The following PTPRG variants were observed in gnomAD, a reference collection of about 807,000 sequenced individuals.
The protein encoded by PTPRG is receptor-type tyrosine-protein phosphatase gamma.
A neutral mutation model predicts 165.3 loss-of-function variants in PTPRG; 102 were observed. The observed-to-expected ratio is 0.62, with a 90% confidence interval of 0.53 to 0.73. The LOEUF (loss-of-function observed/expected upper bound fraction) is 0.73. Ranked by LOEUF, PTPRG falls within the 30% of genes least tolerant of loss-of-function variation. The pLI is 0.00. For missense variants in PTPRG, 1,866 were observed against 1,861.4 expected (o/e 1.00, Z -0.05); for synonymous variants, 675 against 669.5 (o/e 1.01, Z -0.13).
In PTPRG at chr3:61,562,063, T is replaced by G; in HGVS notation, c.-225T>G. 1.8e-6 allele frequency: 1 copy of G among 542,072 alleles called. No homozygotes were observed. Among genetic ancestry groups the G allele is most frequent in the Non-Finnish European group, 3.3e-6 (1 of 304,160 alleles). The allele number at this position is 542,072 out of a possible 1,614,324, so 33.6% of individuals were successfully genotyped here. A position where few individuals can be genotyped will look rare whatever the true frequency, so the allele number is the denominator to read the frequency against. On this transcript the variant is annotated 5_prime_UTR_variant, in exon 1 of 30. Coordinates refer to ENST00000474889, the MANE Select transcript of PTPRG (RefSeq NM_002841.4). Reference sequence around the variant, plus strand: ...AAGCAGCCTTTCTCCGCCGAGAGGATCGTCCCCAGCGTGGCTCTGCGTTCC... The same window carrying G: ...AAGCAGCCTTTCTCCGCCGAGAGGAGCGTCCCCAGCGTGGCTCTGCGTTCC...
Position 61,935,870 on chromosome 3 carries a change from A to T in PTPRG, c.191-53755A>T, listed in dbSNP as rs991188360. On this transcript the variant is annotated intron_variant, in intron 2 of 29. Transcript: ENST00000474889. ...TTCATATAGAATATTTAATTTAATA[A>T]CTGCTTGGTTTAAATGATGGTGTTC... 1.4e-4 allele frequency among the ~76,000 whole-genome samples: 17 copies of T among 125,100 alleles called. No homozygotes were observed. The South Asian group carries it at 2.7e-3, about 20-fold the overall frequency. The allele number at this position is 125,100 out of a possible 152,430, so 82.1% of individuals were successfully genotyped here.
chr3:61,778,751 G>T (rs1178027483), intron 2 of PTPRG, among the ~76,000 whole-genome samples: 1 of 152,144 alleles, frequency 6.6e-6, no homozygotes, highest in East Asian at 1.9e-4. Context: ...ACAGCAGCAG[G>T]ATTGATTTTA....
At chr3:62,004,998 C>G (rs111277336) in intron 4 of PTPRG, among the ~76,000 whole-genome samples, 3 of 152,274 alleles carry the variant, frequency 2.0e-5, no homozygotes, top group African/African-American at 4.8e-5. Flanking sequence ...CCTGGAAGCT[C>G]TGTTGAAGAA....
intron 2 of PTPRG, among the ~76,000 whole-genome samples, chr3:61,917,771 A>G (rs2038978128): frequency 1.3e-5 from 2 of 152,162 alleles, no homozygotes; most frequent in South Asian, 4.1e-4. Context: ...GTCTTTACTA[A>G]AAATACAAAA....
intron 17 of PTPRG, among the ~76,000 whole-genome samples, chr3:62,265,650 C>T (rs1178646709): frequency 2.0e-5 from 3 of 151,876 alleles, no homozygotes; most frequent in Non-Finnish European, 2.9e-5. Context: ...TTAAAAAAGC[C>T]AGGGGGAGAA....
chr3:61,749,197 T>G, intron 2 of PTPRG: 1 of 658,108 alleles, frequency 1.5e-6, no homozygotes, highest in South Asian at 1.5e-5. Flanking sequence ...TGTTTTCCCC[T>G]CAATTTGCGT....
intron 2 of PTPRG, among the ~76,000 whole-genome samples, chr3:61,922,985 C>G (rs535793109): frequency 6.6e-6 from 1 of 152,206 alleles, no homozygotes; most frequent in African/African-American, 2.4e-5. Flanking sequence ...GCTCTATTCC[C>G]TTATGCCCCA....
At chr3:62,291,747 CTG>C (rs1702905878) in intron 28 of PTPRG, among the ~76,000 whole-genome samples, 1 of 152,124 alleles carries the variant, frequency 6.6e-6, no homozygotes, top group South Asian at 2.1e-4. Flanking sequence ...AATGTGGAAA[CTG>C]TGTGCCATCA....
intron 2 of PTPRG, among the ~76,000 whole-genome samples, chr3:61,942,350 T>A (rs2039652068): frequency 6.6e-6 from 1 of 152,140 alleles, no homozygotes; most frequent in South Asian, 2.1e-4. Flanking sequence ...ACAGCAGAGT[T>A]AAGAGGAAGT....
intron 1 of PTPRG, among the ~76,000 whole-genome samples, chr3:61,685,499 C>G (rs1703595784): frequency 6.6e-6 from 1 of 152,186 alleles, no homozygotes; most frequent in African/African-American, 2.4e-5. Flanking sequence ...GGGAGAATCT[C>G]AGAATGTGCT....
chr3:62,076,144 CG>C (rs1423626307), intron 4 of PTPRG, among the ~76,000 whole-genome samples: 9 of 151,808 alleles, frequency 5.9e-5, no homozygotes, highest in African/African-American at 2.2e-4. Flanking sequence ...AAAACTAGCC[CG>C]ATATGGTGGT....
chr3:62,120,757 A>AG (rs1559531444), intron 5 of PTPRG, among the ~76,000 whole-genome samples: 3 of 151,876 alleles, frequency 2.0e-5, no homozygotes, highest in African/African-American at 2.4e-5. Flanking sequence ...CAAAAAAAAA[A>AG]AAAGAAAAAG....
intron 1 of PTPRG, among the ~76,000 whole-genome samples, chr3:61,628,311 C>A (rs1701670021): frequency 6.6e-6 from 1 of 151,522 alleles, no homozygotes; most frequent in Non-Finnish European, 1.5e-5. Flanking sequence ...TCTATTTTTT[C>A]ATTTTTATAT....
chr3:61,924,680 C>T (rs546550001), intron 2 of PTPRG, among the ~76,000 whole-genome samples: 1 of 152,194 alleles, frequency 6.6e-6, no homozygotes, highest in Non-Finnish European at 1.5e-5. Context: ...TGATTTAATC[C>T]TCTGGTCCAG....
intron 2 of PTPRG, among the ~76,000 whole-genome samples, chr3:61,807,309 G>C (rs1432817793): frequency 1.3e-5 from 2 of 152,202 alleles, no homozygotes; most frequent in African/African-American, 4.8e-5. Flanking sequence ...AAGTTCATCA[G>C]ACGTATAAGC....
intron 8 of PTPRG, among the ~76,000 whole-genome samples, chr3:62,189,357 C>T (rs551399431): frequency 6.6e-6 from 1 of 152,260 alleles, no homozygotes; most frequent in African/African-American, 2.4e-5. Context: ...GCAGGAAAGC[C>T]ATCCTGTCCC....
At chr3:61,803,850 C>A (rs1391907883) in intron 2 of PTPRG, among the ~76,000 whole-genome samples, 1 of 152,114 alleles carries the variant, frequency 6.6e-6, no homozygotes, top group African/African-American at 2.4e-5. Context: ...TTAAAAGTTG[C>A]AACGCTAGGG....
At chr3:62,291,268 G>C (rs1179456365) in intron 28 of PTPRG, among the ~76,000 whole-genome samples, 1 of 152,060 alleles carries the variant, frequency 6.6e-6, no homozygotes, top group East Asian at 1.9e-4. Context: ...GTATGAACAG[G>C]TAACAGCCAC....
In PTPRG at chr3:62,252,856, T is replaced by C. The variant is rs565711766; in HGVS notation, c.2468-2268T>C. Among the ~76,000 whole-genome samples the C allele has an allele frequency of 1.0e-3, 157 of 152,342 alleles. No individual in the cohort carries two copies. Among genetic ancestry groups the C allele is most frequent in the Non-Finnish European group, 1.9e-3 (130 of 68,032 alleles). On this transcript the variant is annotated intron_variant, in intron 15 of 29. Coordinates refer to ENST00000474889, the MANE Select transcript of PTPRG (RefSeq NM_002841.4). This position sits in a 1 kb window ranked among gnomAD's most constrained non-coding sequence, Gnocchi z 4.6. ...TCAGTACAGCATGCATCTGTATGTA[T>C]GTCCGCCTGTCTGGTACTTTTGTGA...
Sources: gnomAD v4.1 joint callset for allele counts (sites outside exome capture counted in the v4.1 genomes callset) on GRCh38, gnomAD v4.1.1 for gene constraint, Gnocchi (gnomAD v3.1) non-coding constraint, MANE v1.5 for transcripts, NCBI Gene and HGNC (gene_info 2026-07-23, HGNC 2026-07-21) for gene names.